PCLO: variants seen among roughly 807,000 people sequenced by gnomAD.
The protein encoded by PCLO is protein piccolo.
In PCLO, 82 loss-of-function variants were observed where a neutral mutation model predicts 427.5. The observed-to-expected ratio is 0.19, with a 90% CI of 0.16 to 0.23. The LOEUF is 0.23. PCLO is among the 10% of genes least tolerant of loss of function. The pLI is 1.00. For synonymous variants in PCLO, 2,357 were observed against 2,155.4 expected (o/e 1.09, Z -2.59); for missense variants, 6,239 against 6,115.9 (o/e 1.02, Z -0.67).
intron 20 of PCLO, among the ~76,000 whole-genome samples, chr7:82,810,734 G>A (rs1283392224): frequency 1.3e-5 from 2 of 151,514 alleles, no homozygotes; most frequent in Admixed American, 6.6e-5. Flanking sequence ...TAATTAAATC[G>A]GTAGTGTCTC....
chr7:83,116,812 C>A (rs1791146462), intron 3 of PCLO, among the ~76,000 whole-genome samples: 1 of 152,148 alleles, frequency 6.6e-6, no homozygotes, highest in African/African-American at 2.4e-5. Flanking sequence ...GCCTGGTAAC[C>A]ACCATCCTAC....
chr7:82,842,165 G>A (rs1246692647), intron 13 of PCLO, among the ~76,000 whole-genome samples: 2 of 152,082 alleles, frequency 1.3e-5, no homozygotes, highest in African/African-American at 2.4e-5. Context: ...AGTAATCAAA[G>A]CAGCATGGTA....
At position 82,949,633 on chromosome 7, in the gene PCLO, C is replaced by T. The variant is rs775019891; in HGVS notation, c.10955G>A (p.Ser3652Asn). The T allele has an allele frequency of 6.2e-7, 1 of 1,613,792 alleles. No individual in the cohort carries two copies. Among genetic ancestry groups the T allele is most frequent in the East Asian group, 2.2e-5 (1 of 44,862 alleles). The change falls in exon 6 of 25, where the codon AGT becomes AAT. Residue 3652 changes from serine to asparagine, a missense_variant. Physicochemically the swap from Ser to Asn is conservative, Grantham distance 46. This residue lies in a region of PCLO where 4,677 missense variants were observed against 4,468.4 expected (regional missense o/e 1.05). Transcript: ENST00000333891. ...ATCTGGATGCAGTACTTTCTGTGGA[C>T]TTATATCATCAGGGAGGGGTTTTTC... is the stretch of plus-strand genomic sequence containing the variant. The part of the protein sequence containing the change: ...PYEKPLPDDI[S>N]PQKVLHPDMA...
chr7:82,926,259 C>T (rs1352990360), intron 6 of PCLO, among the ~76,000 whole-genome samples: 1 of 152,000 alleles, frequency 6.6e-6, no homozygotes, highest in Non-Finnish European at 1.5e-5. Context: ...ATATAAGTAG[C>T]AGTATCATCA....
intron 6 of PCLO, among the ~76,000 whole-genome samples, chr7:82,945,630 C>T (rs1196686458): frequency 2.6e-5 from 4 of 152,040 alleles, no homozygotes; most frequent in East Asian, 1.9e-4. Flanking sequence ...GTTATGAGAG[C>T]GCTAGCAAAC....
At chr7:83,038,021 A>ATATATATT (rs1775156181) in intron 3 of PCLO, among the ~76,000 whole-genome samples, 1 of 55,072 alleles carries the variant, frequency 1.8e-5, no homozygotes, top group African/African-American at 1.2e-4. Flanking sequence ...ATATATATAT[A>ATATATATT]TATATATATT....
intron 22 of PCLO, among the ~76,000 whole-genome samples, chr7:82,762,175 T>C (rs1406274500): frequency 2.0e-5 from 3 of 152,024 alleles, no homozygotes; most frequent in Non-Finnish European, 4.4e-5. Flanking sequence ...TATATAATTA[T>C]AAAAAGAGGA....
chr7:83,137,555 C>T (rs190472749), intron 2 of PCLO, among the ~76,000 whole-genome samples: 2 of 152,158 alleles, frequency 1.3e-5, no homozygotes, highest in Non-Finnish European at 2.9e-5. Context: ...CTCAGCCTCC[C>T]GGGTAGCTGG....
chr7:82,928,936 G>A (rs988308871), intron 6 of PCLO, among the ~76,000 whole-genome samples: 8 of 152,088 alleles, frequency 5.3e-5, no homozygotes, highest in Non-Finnish European at 1.2e-4. Context: ...AAATATACTA[G>A]GTTGAAAAAT....
At chr7:82,907,419 AAAG>A (rs2116222613) in intron 8 of PCLO, among the ~76,000 whole-genome samples, 1 of 152,142 alleles carries the variant, frequency 6.6e-6, no homozygotes, top group African/African-American at 2.4e-5. Context: ...AAACACATTT[AAAG>A]AAGTTATTTT....
At chr7:82,996,530 T>C (rs774029872) in intron 3 of PCLO, among the ~76,000 whole-genome samples, 2 of 151,942 alleles carry the variant, frequency 1.3e-5, no homozygotes, top group African/African-American at 4.8e-5. Flanking sequence ...ACAATCTTGA[T>C]AAAATGTAAA....
At chr7:82,811,866 T>A (rs934696503) in intron 20 of PCLO, among the ~76,000 whole-genome samples, 1 of 151,460 alleles carries the variant, frequency 6.6e-6, no homozygotes, top group African/African-American at 2.4e-5. Context: ...AGGAAGGATG[T>A]CATTGACAAT....
chr7:82,979,285 G>T (rs6962600), intron 3 of PCLO, among the ~76,000 whole-genome samples: 11,229 of 152,044 alleles, frequency 0.074, 1,411 homozygotes, highest in African/African-American at 0.26. Flanking sequence ...AATTTGAAAC[G>T]ATCATGGAAA....
At position 82,941,447 on chromosome 7, in the gene PCLO, C is replaced by T. The variant is rs74716824; in HGVS notation, c.11112+8029G>A. Among the ~76,000 whole-genome samples the T allele has an allele frequency of 6.4e-3, 973 of 152,230 alleles. 15 individuals are homozygous for T. Among genetic ancestry groups the T allele is most frequent in the African/African-American group, 0.022 (911 of 41,536 alleles). On this transcript the variant is annotated intron_variant, in intron 6 of 24. Transcript: ENST00000333891. ...GAAAAAAAGCTGTTAATACTGGGGT[C>T]TTATTTAGTGCAAATAAAATTGATG...
intron 10 of PCLO, among the ~76,000 whole-genome samples, chr7:82,853,057 C>G (rs1792705187): frequency 6.6e-6 from 1 of 152,004 alleles, no homozygotes; most frequent in South Asian, 2.1e-4. Context: ...GATCTCATTC[C>G]TTTTTATGGC....
chr7:82,849,076 A>T (rs1171347256), intron 10 of PCLO, among the ~76,000 whole-genome samples: 1 of 143,026 alleles, frequency 7.0e-6, no homozygotes, highest in Non-Finnish European at 1.6e-5. Context: ...CAATCAAATT[A>T]AAGTTATTAT....
chr7:83,004,873 AG>A (rs1787909784), intron 3 of PCLO, among the ~76,000 whole-genome samples: 1 of 151,702 alleles, frequency 6.6e-6, no homozygotes, highest in Non-Finnish European at 1.5e-5. Flanking sequence ...GGACATGGAT[AG>A]TTTTTTTTAT....
intron 6 of PCLO, among the ~76,000 whole-genome samples, chr7:82,940,755 C>CTTTTTTT (rs71531190): frequency 7.3e-5 from 8 of 109,136 alleles, no homozygotes; most frequent in African/African-American, 1.1e-4. Flanking sequence ...TTTTTTCTTT[C>CTTTTTTT]TTTTTTTTTT....
At chr7:82,835,358 C>G (rs1177117987) in intron 16 of PCLO, among the ~76,000 whole-genome samples, 1 of 152,070 alleles carries the variant, frequency 6.6e-6, no homozygotes, top group Non-Finnish European at 1.5e-5. Flanking sequence ...ATGTGAGAAG[C>G]TAAATGAGTT....
Sources: gnomAD v4.1 joint callset for allele counts (sites outside exome capture counted in the v4.1 genomes callset) on GRCh38, gnomAD v4.1.1 for gene constraint, gnomAD v4.1.1 regional missense constraint, MANE v1.5 for transcripts, NCBI Gene and HGNC (gene_info 2026-07-23, HGNC 2026-07-21) for gene names.